Variants in EPC2 observed in about 807,000 individuals in gnomAD.
EPC2 encodes the protein enhancer of polycomb homolog 2.
A neutral mutation model predicts 92.1 loss-of-function variants in EPC2; 14 were observed. The ratio of observed to expected loss-of-function variants is 0.15; its 90% CI spans 0.10 to 0.24. The LOEUF (loss-of-function observed/expected upper bound fraction) is 0.24. EPC2 is among the 10% of genes least tolerant of loss of function. EPC2 has a pLI of 1.00. For missense variants in EPC2, 755 were observed against 971.5 expected (o/e 0.78, Z 2.96); for synonymous variants, 340 against 334.7 (o/e 1.02, Z -0.17).
chr2:148,778,770 T>C (rs1574639193), intron 10 of EPC2, among the ~76,000 whole-genome samples: 1 of 152,114 alleles, frequency 6.6e-6, no homozygotes, highest in East Asian at 1.9e-4. Context: ...AAATTCTGAA[T>C]GAGGAAAATC....
At chr2:148,688,231 T>TA (rs1681568641) in intron 1 of EPC2, among the ~76,000 whole-genome samples, 1 of 152,172 alleles carries the variant, frequency 6.6e-6, no homozygotes. Context: ...TATGCAGCCA[T>TA]AAAAAATGAT....
At chr2:148,717,692 C>T (rs937798025) in intron 2 of EPC2, among the ~76,000 whole-genome samples, 1 of 152,056 alleles carries the variant, frequency 6.6e-6, no homozygotes, top group African/African-American at 2.4e-5. Flanking sequence ...CAAGTAAGTG[C>T]CGTGCAGTAA....
intron 1 of EPC2, among the ~76,000 whole-genome samples, chr2:148,646,695 C>A (rs781031598): frequency 7.3e-5 from 11 of 151,502 alleles, no homozygotes; most frequent in Non-Finnish European, 1.3e-4. Context: ...TTACATTGAA[C>A]CCTAATAAGC....
At chr2:148,700,655 T>C (rs1241227888) in intron 2 of EPC2, among the ~76,000 whole-genome samples, 1 of 151,990 alleles carries the variant, frequency 6.6e-6, no homozygotes, top group Non-Finnish European at 1.5e-5. Flanking sequence ...GAGTAAGTCT[T>C]GGAGTCAAGT....
chr2:148,774,622 T>TATATATATATATATA (rs1553450861), intron 10 of EPC2, among the ~76,000 whole-genome samples: 1 of 108,288 alleles, frequency 9.2e-6, no homozygotes, highest in Non-Finnish European at 1.9e-5. Context: ...AAAAAATATA[T>TATATATATATATATA]TTTATATATA....
intron 2 of EPC2, among the ~76,000 whole-genome samples, chr2:148,714,118 T>C (rs896870618): frequency 1.4e-5 from 2 of 140,082 alleles, no homozygotes; most frequent in African/African-American, 5.2e-5. Context: ...TGTGTCCATG[T>C]GTTCTCATCA....
intron 2 of EPC2, among the ~76,000 whole-genome samples, chr2:148,740,204 A>G (rs762990020): frequency 4.6e-5 from 7 of 150,664 alleles, no homozygotes; most frequent in Non-Finnish European, 5.9e-5. Context: ...TGCTATTTTT[A>G]TTCAGTAGCT....
chr2:148,679,156 C>G (rs1471315365), intron 1 of EPC2, among the ~76,000 whole-genome samples: 1 of 152,198 alleles, frequency 6.6e-6, no homozygotes, highest in Non-Finnish European at 1.5e-5. Context: ...CAAAGAATTG[C>G]TTTAAATACA....
intron 1 of EPC2, among the ~76,000 whole-genome samples, chr2:148,670,418 G>C (rs1388739590): frequency 6.6e-6 from 1 of 151,406 alleles, no homozygotes; most frequent in Non-Finnish European, 1.5e-5. Flanking sequence ...TCAAGTAAGT[G>C]TTTTTTAGTA....
chr2:148,751,536 G>C (rs1487715991), intron 3 of EPC2, among the ~76,000 whole-genome samples: 1 of 151,940 alleles, frequency 6.6e-6, no homozygotes, highest in East Asian at 1.9e-4. Flanking sequence ...AATTTTTTTA[G>C]AGTTAGGGGG....
chr2:148,767,038 A>G (rs147315594), intron 7 of EPC2, among the ~76,000 whole-genome samples: 299 of 151,834 alleles, frequency 2.0e-3, no homozygotes, highest in African/African-American at 7.0e-3. Flanking sequence ...ACAGAAACAA[A>G]CGTAGAAAAA....
intron 1 of EPC2, among the ~76,000 whole-genome samples, chr2:148,678,998 A>G (rs999600543): frequency 2.0e-5 from 3 of 152,212 alleles, no homozygotes; most frequent in African/African-American, 7.2e-5. Context: ...ACAATGCACT[A>G]TGACCATGCC....
At chr2:148,720,772 G>A (rs1026928251) in intron 2 of EPC2, among the ~76,000 whole-genome samples, 1 of 152,128 alleles carries the variant, frequency 6.6e-6, no homozygotes, top group Non-Finnish European at 1.5e-5. Flanking sequence ...GTGGGCCGCC[G>A]CGCCACCCTG....
At position 148,720,048 on chromosome 2, in the gene EPC2, C is replaced by T. The variant is rs548060066; in HGVS notation, c.314-23574C>T. 1.1e-4 allele frequency among the ~76,000 whole-genome samples: 17 copies of T among 152,288 alleles called. No homozygotes were observed. In the South Asian group the frequency reaches 3.5e-3, roughly 32 times the overall value. ...AAAACAGCTGTGTCATGGTAGGGAACTGCCTCTGCCCAGGTAGCAGCCCTC... is the reference window on the plus strand; with the variant it reads ...AAAACAGCTGTGTCATGGTAGGGAATTGCCTCTGCCCAGGTAGCAGCCCTC... On this transcript the variant is annotated intron_variant, in intron 2 of 13. Transcript: ENST00000258484.
At chr2:148,769,022 A>G (rs1683467286) in intron 7 of EPC2, 129 bp from the exon 8 acceptor site, 2 of 637,650 alleles carry the variant, frequency 3.1e-6, no homozygotes, top group Non-Finnish European at 5.4e-6. Flanking sequence ...TGTTTTGGGG[A>G]ATTCAGTACT....
At chr2:148,657,991 T>C (rs998362628) in intron 1 of EPC2, among the ~76,000 whole-genome samples, 1 of 152,106 alleles carries the variant, frequency 6.6e-6, no homozygotes, top group African/African-American at 2.4e-5. Flanking sequence ...GAGATAGTTA[T>C]GTTCTGTTAT....
At chr2:148,768,324 C>T (rs926834281) in intron 7 of EPC2, among the ~76,000 whole-genome samples, 1 of 152,122 alleles carries the variant, frequency 6.6e-6, no homozygotes, top group African/African-American at 2.4e-5. Context: ...ATTTCCCTAT[C>T]TTCAGTGTAT....
At chr2:148,764,098 A>G (rs1156341277) in intron 6 of EPC2, among the ~76,000 whole-genome samples, 2 of 152,198 alleles carry the variant, frequency 1.3e-5, no homozygotes, top group Non-Finnish European at 2.9e-5. Flanking sequence ...AGTTATACCT[A>G]TTATATGAAA....
At chr2:148,680,850 C>G (rs765075558) in intron 1 of EPC2, among the ~76,000 whole-genome samples, 10 of 152,052 alleles carry the variant, frequency 6.6e-5, no homozygotes, top group Non-Finnish European at 1.5e-4. Context: ...CAGAAGAGGA[C>G]CAGTATATAA....
Sources: gnomAD v4.1 joint callset for allele counts (sites outside exome capture counted in the v4.1 genomes callset) on GRCh38, gnomAD v4.1.1 for gene constraint, MANE v1.5 for transcripts, NCBI Gene and HGNC (gene_info 2026-07-23, HGNC 2026-07-21) for gene names.